PLCL1: variants seen among roughly 807,000 people sequenced by gnomAD.
PLCL1 encodes the protein inactive phospholipase C-like protein 1.
In PLCL1, 41 loss-of-function variants were observed where a neutral mutation model predicts 84.4. The ratio of observed to expected loss-of-function variants is 0.49; its 90% CI spans 0.38 to 0.63. The LOEUF (loss-of-function observed/expected upper bound fraction) is 0.63, where lower values mean the gene tolerates loss of function less well. Among genes scored for constraint, PLCL1 ranks in the 30% least tolerant of loss-of-function variants. The probability of loss-of-function intolerance (pLI) is 0.00; values close to 1 mark genes in which losing one functional copy is unlikely to be tolerated. For missense variants in PLCL1, 1,206 were observed against 1,367.8 expected, an observed-to-expected ratio of 0.88 and a Z score of 1.87; for synonymous variants, 490 against 488.3, an observed-to-expected ratio of 1.00 and a Z score of -0.05.
rs1180491160 is a variant in PLCL1, at chr2:197,922,736, G to A, written c.240+117397G>A. 4.6e-3 allele frequency among the ~76,000 whole-genome samples: 467 copies of A among 101,230 alleles called. 4 individuals are homozygous for A. Among genetic ancestry groups the A allele is most frequent in the African/African-American group, 0.015 (423 of 28,448 alleles). 66.4% of individuals were successfully genotyped at this position (101,230 alleles called of 152,430 possible). A position where few individuals can be genotyped will look rare whatever the true frequency, so the allele number is the denominator to read the frequency against. On this transcript the variant is annotated intron_variant, in intron 1 of 5. Coordinates refer to ENST00000428675, the MANE Select transcript of PLCL1 (RefSeq NM_006226.4). ...CCAGTAGGGGCGGCCGGGCAGAGGC[G>A]CCCCTCACCTCCCGGACGGGGTGGC...
intron 1 of PLCL1, among the ~76,000 whole-genome samples, chr2:198,012,344 C>A (rs1690887419): frequency 6.6e-6 from 1 of 152,110 alleles, no homozygotes; most frequent in African/African-American, 2.4e-5. Context: ...TCTCAAGATG[C>A]TGCACTCCTA....
chr2:198,002,321 G>A (rs7562132), intron 1 of PLCL1, among the ~76,000 whole-genome samples: 194 of 152,196 alleles, frequency 1.3e-3, no homozygotes, highest in African/African-American at 4.2e-3. Flanking sequence ...ACATATGTAT[G>A]CATTTTTGTT....
chr2:198,031,873 A>G (rs888823058), intron 1 of PLCL1, among the ~76,000 whole-genome samples: 4 of 152,076 alleles, frequency 2.6e-5, no homozygotes, highest in African/African-American at 9.7e-5. Flanking sequence ...TTGGGTGACA[A>G]TTAGAAAACT....
intron 1 of PLCL1, among the ~76,000 whole-genome samples, chr2:197,987,645 C>A (rs560313440): frequency 1.3e-5 from 2 of 152,140 alleles, no homozygotes; most frequent in Non-Finnish European, 2.9e-5. Flanking sequence ...GAGACAGAGC[C>A]CTTTTTTGGA....
chr2:197,807,665 G>A (rs985600176), intron 1 of PLCL1, among the ~76,000 whole-genome samples: 3 of 152,284 alleles, frequency 2.0e-5, no homozygotes, highest in Non-Finnish European at 4.4e-5. Flanking sequence ...GAGAGAAAAT[G>A]CATTTTTCAC....
chr2:197,934,770 C>G (rs75484382), intron 1 of PLCL1, among the ~76,000 whole-genome samples: 3,210 of 152,208 alleles, frequency 0.021, 143 homozygotes, highest in African/African-American at 0.072. Flanking sequence ...ACCTCACATA[C>G]GTATCATTCT....
rs764608375 is a variant in PLCL1, at chr2:198,085,551, G to A, written c.2034G>A (p.Met678Ile). Reference protein sequence around the residue: ...AMNFQTPGPMMDLHTGWFLQN... With the variant: ...AMNFQTPGPMIDLHTGWFLQN... ...ATTTTCAGACTCCGGGTCCAATGAT[G>A]GACCTTCACACGGGCTGGTTTCTTC... Residue 678 changes from methionine to isoleucine, a missense_variant, in exon 2 of 6, where the codon ATG (methionine) becomes ATA (isoleucine). Met to Ile is a conservative substitution (Grantham distance 10). Coordinates refer to ENST00000428675, the MANE Select transcript of PLCL1 (RefSeq NM_006226.4). The surrounding 1 kb of genome is among the most constrained non-coding windows in gnomAD (Gnocchi z 5.3). 6.8e-6 allele frequency: 11 copies of A among 1,614,004 alleles called. No individual in the cohort carries two copies. The highest frequency in any genetic ancestry group is 9.3e-6 in the Non-Finnish European group (11 of 1,179,928).
At chr2:197,890,701 T>TATATATATATATATATATACATAC (rs11270566) in intron 1 of PLCL1, among the ~76,000 whole-genome samples, 24 of 118,562 alleles carry the variant, frequency 2.0e-4, no homozygotes, top group African/African-American at 9.2e-4. Context: ...TATATATATA[T>TATATATATATATATATATACATAC]ACACACACAC....
intron 1 of PLCL1, among the ~76,000 whole-genome samples, chr2:197,920,522 T>C (rs1688681748): frequency 6.6e-6 from 1 of 152,190 alleles, no homozygotes; most frequent in African/African-American, 2.4e-5. Context: ...TATTGTAACA[T>C]TTCTGATGAG....
chr2:197,919,989 T>C (rs1179923538), intron 1 of PLCL1, among the ~76,000 whole-genome samples: 2 of 152,168 alleles, frequency 1.3e-5, no homozygotes, highest in Non-Finnish European at 2.9e-5. Context: ...GATTTCCTTA[T>C]CTGGAAAATG....
intron 1 of PLCL1, among the ~76,000 whole-genome samples, chr2:198,033,481 G>C (rs1194613292): frequency 6.6e-6 from 1 of 152,128 alleles, no homozygotes; most frequent in Non-Finnish European, 1.5e-5. Context: ...TCTCAAATGC[G>C]ACAGATTTTA....
intron 1 of PLCL1, among the ~76,000 whole-genome samples, chr2:197,913,393 A>G (rs1290613087): frequency 2.0e-5 from 3 of 152,362 alleles, no homozygotes; most frequent in Admixed American, 1.3e-4. Context: ...TGCAAGTAAA[A>G]TAATAGCAGC....
At chr2:197,960,429 G>C (rs1210268458) in intron 1 of PLCL1, among the ~76,000 whole-genome samples, 1 of 152,084 alleles carries the variant, frequency 6.6e-6, no homozygotes, top group Non-Finnish European at 1.5e-5. Flanking sequence ...TTCCCCACTT[G>C]TTCCCTGAAT....
chr2:198,007,834 T>C (rs1233413003), intron 1 of PLCL1, among the ~76,000 whole-genome samples: 1 of 152,142 alleles, frequency 6.6e-6, no homozygotes, highest in East Asian at 1.9e-4. Flanking sequence ...GATATAATGT[T>C]TATAAGGAAA....
intron 1 of PLCL1, among the ~76,000 whole-genome samples, chr2:197,836,046 T>A (rs1242994729): frequency 1.3e-5 from 2 of 152,198 alleles, no homozygotes; most frequent in Non-Finnish European, 2.9e-5. Flanking sequence ...TTAAACAATG[T>A]TTTGCTATAT....
chr2:198,117,132 C>CA (rs1208027886), intron 5 of PLCL1, among the ~76,000 whole-genome samples: 3 of 151,630 alleles, frequency 2.0e-5, no homozygotes, highest in African/African-American at 7.3e-5. Context: ...TTTCTTGGGT[C>CA]AAAAAACATT....
At chr2:197,838,668 CA>C (rs1691237594) in intron 1 of PLCL1, among the ~76,000 whole-genome samples, 1 of 152,160 alleles carries the variant, frequency 6.6e-6, no homozygotes, top group Non-Finnish European at 1.5e-5. Context: ...ACATATATCA[CA>C]AAGGATTGAA....
chr2:197,968,177 T>C (rs972129179), intron 1 of PLCL1, among the ~76,000 whole-genome samples: 4 of 152,242 alleles, frequency 2.6e-5, no homozygotes, highest in African/African-American at 9.6e-5. Context: ...TTTTATGCTT[T>C]TTAGGAATCC....
chr2:198,074,237 A>G (rs148579828), intron 1 of PLCL1, among the ~76,000 whole-genome samples: 133 of 152,330 alleles, frequency 8.7e-4, no homozygotes, highest in African/African-American at 3.0e-3. Flanking sequence ...ATGAAAATTT[A>G]TGCTCTGAAG....
Sources: gnomAD v4.1 joint callset for allele counts (sites outside exome capture counted in the v4.1 genomes callset) on GRCh38, gnomAD v4.1.1 for gene constraint, Gnocchi (gnomAD v3.1) non-coding constraint, MANE v1.5 for transcripts, NCBI Gene and HGNC (gene_info 2026-07-23, HGNC 2026-07-21) for gene names.